Variants in TMEM132D observed in about 807,000 individuals in gnomAD.
TMEM132D encodes mature OL transmembrane protein.
A neutral mutation model predicts 62.3 loss-of-function variants in TMEM132D; 21 were observed. The ratio of observed to expected loss-of-function variants is 0.34; its 90% CI spans 0.24 to 0.49. TMEM132D has a LOEUF of 0.49. Among genes scored for constraint, TMEM132D ranks in the 20% least tolerant of loss-of-function variants. The pLI is 0.99. For synonymous variants in TMEM132D, 621 were observed against 575.6 expected, an observed-to-expected ratio of 1.08 and a Z score of -1.13; for missense variants, 1,346 against 1,402.8, an observed-to-expected ratio of 0.96 and a Z score of 0.65.
chr12:129,549,225 T>C (rs1452462239), intron 2 of TMEM132D, among the ~76,000 whole-genome samples: 434 of 123,866 alleles, frequency 3.5e-3, no homozygotes, highest in Middle Eastern at 0.023. Context: ...AGAGGAAACC[T>C]CTTTGGCTTG....
intron 2 of TMEM132D, among the ~76,000 whole-genome samples, chr12:129,634,794 A>T (rs959639490): frequency 1.3e-5 from 2 of 152,168 alleles, no homozygotes; most frequent in African/African-American, 4.8e-5. Flanking sequence ...TAATTTTTTT[A>T]AAATTTTGCC....
intron 2 of TMEM132D, among the ~76,000 whole-genome samples, chr12:129,687,222 T>C (rs1427446960): frequency 2.6e-5 from 4 of 152,158 alleles, no homozygotes; most frequent in Admixed American, 1.3e-4. Context: ...TCAGGGATAC[T>C]CATGCAACAT....
chr12:129,694,386 C>T lies in TMEM132D; in HGVS notation c.968+5424G>A, dbSNP rs141344862. ...TCAAAATGGTCAAAGCCACCAAAACCAAAGAAAGTCTAAGAAATGGTCACA... is the reference window on the plus strand; with the variant it reads ...TCAAAATGGTCAAAGCCACCAAAACTAAAGAAAGTCTAAGAAATGGTCACA... On this transcript the variant is annotated intron_variant, in intron 2 of 8. Coordinates refer to ENST00000422113, the MANE Select transcript of TMEM132D (RefSeq NM_133448.3). Among the ~76,000 whole-genome samples, 370 of 152,276 alleles carry T rather than the reference C, an allele frequency of 2.4e-3. 3 individuals carry two copies. The highest frequency in any genetic ancestry group is 8.6e-3 in the African/African-American group (357 of 41,562).
At chr12:129,111,511 T>TC (rs1315932407) in intron 5 of TMEM132D, 1 of 152,224 alleles carries the variant, frequency 6.6e-6, no homozygotes, top group Admixed American at 6.5e-5. Flanking sequence ...TTTGCACTGA[T>TC]CACTGTGAGT....
chr12:129,188,213 T>C (rs1013822077), intron 5 of TMEM132D, among the ~76,000 whole-genome samples: 1 of 152,198 alleles, frequency 6.6e-6, no homozygotes, highest in Non-Finnish European at 1.5e-5. Flanking sequence ...CACAAGCCTA[T>C]GGAAGCTGTT....
chr12:129,819,619 TC>T (rs1335623971), intron 1 of TMEM132D, among the ~76,000 whole-genome samples: 1 of 152,088 alleles, frequency 6.6e-6, no homozygotes, highest in Non-Finnish European at 1.5e-5. Flanking sequence ...CATCATTTCC[TC>T]CTCTTATGAA....
chr12:129,204,254 T>C (rs116167843), intron 5 of TMEM132D, among the ~76,000 whole-genome samples: 220 of 152,170 alleles, frequency 1.4e-3, no homozygotes, highest in African/African-American at 5.1e-3. Context: ...TTCAAGAGAA[T>C]ATCAAACCCA....
intron 3 of TMEM132D, among the ~76,000 whole-genome samples, chr12:129,500,716 T>C (rs976321524): frequency 1.3e-5 from 2 of 152,230 alleles, no homozygotes; most frequent in Non-Finnish European, 2.9e-5. Flanking sequence ...AGAAAGTGTC[T>C]AATTGCTCCT....
intron 2 of TMEM132D, among the ~76,000 whole-genome samples, chr12:129,588,660 C>T (rs901136288): frequency 1.6e-4 from 25 of 151,588 alleles, no homozygotes; most frequent in Non-Finnish European, 2.9e-4. Flanking sequence ...CTGCAAGCTC[C>T]GCCTCCCAGG....
intron 5 of TMEM132D, among the ~76,000 whole-genome samples, chr12:129,140,320 C>A (rs1474065768): frequency 2.0e-5 from 3 of 151,904 alleles, no homozygotes; most frequent in East Asian, 3.9e-4. Context: ...GTGTATCAAA[C>A]TATCATGTTG....
rs557146095 is a variant in TMEM132D at position 129,117,102 on chromosome 12, G to A, written c.1444-32400C>T. Among the ~76,000 whole-genome samples, 18 of 152,108 alleles carry A rather than the reference G, an allele frequency of 1.2e-4. No homozygotes were observed. In the South Asian group the frequency reaches 3.7e-3, roughly 32 times the overall value. On this transcript the variant is annotated intron_variant, in intron 5 of 8. Transcript: ENST00000422113. ...AAAAGGAAATGAATTGTTAAACCAA[G>A]AAAAGACATAGAGGAACCTTAAATA...
intron 1 of TMEM132D, among the ~76,000 whole-genome samples, chr12:129,796,166 C>T (rs1028020397): frequency 5.9e-5 from 9 of 151,894 alleles, no homozygotes; most frequent in Non-Finnish European, 1.2e-4. Context: ...GAGACCCTGT[C>T]TCTAAATAAA....
At chr12:129,258,045 C>T (rs1029050761) in intron 4 of TMEM132D, among the ~76,000 whole-genome samples, 1 of 152,158 alleles carries the variant, frequency 6.6e-6, no homozygotes, top group African/African-American at 2.4e-5. Context: ...GAGGGATGCA[C>T]AATCCCACCA....
chr12:129,758,936 CTTT>C (rs570116732), intron 1 of TMEM132D, among the ~76,000 whole-genome samples: 5 of 138,238 alleles, frequency 3.6e-5, no homozygotes, highest in African/African-American at 7.9e-5. Context: ...TTCTTTCTTT[CTTT>C]TTTTTTTTTT....
At chr12:129,709,935 T>C (rs1046529227) in intron 1 of TMEM132D, among the ~76,000 whole-genome samples, 5 of 152,224 alleles carry the variant, frequency 3.3e-5, no homozygotes, top group African/African-American at 1.2e-4. Flanking sequence ...TTTATACTCA[T>C]TGAAAATTTA....
intron 2 of TMEM132D, among the ~76,000 whole-genome samples, chr12:129,698,545 G>A (rs2137222952): frequency 4.8e-5 from 1 of 20,744 alleles, no homozygotes; most frequent in African/African-American, 1.8e-4. Context: ...GGAAGGGAGG[G>A]GAGGGGAGGG....
At chr12:129,697,926 A>ACACACAG (rs1565952645) in intron 2 of TMEM132D, among the ~76,000 whole-genome samples, 4 of 150,956 alleles carry the variant, frequency 2.6e-5, no homozygotes, top group Non-Finnish European at 5.9e-5. Flanking sequence ...CACACACACA[A>ACACACAG]GCTGCATGTG....
At chr12:129,119,476 A>G (rs917110812) in intron 5 of TMEM132D, among the ~76,000 whole-genome samples, 3 of 152,174 alleles carry the variant, frequency 2.0e-5, no homozygotes, top group Admixed American at 1.3e-4. Flanking sequence ...TTTCAGCAAC[A>G]CGGATGGAAC....
intron 2 of TMEM132D, among the ~76,000 whole-genome samples, chr12:129,653,501 G>C (rs1879985646): frequency 6.6e-6 from 1 of 152,144 alleles, no homozygotes; most frequent in South Asian, 2.1e-4. Flanking sequence ...AGAAAATAGA[G>C]AGCAGGAAAT....
Sources: allele counts gnomAD v4.1 joint callset (sites outside exome capture counted in the v4.1 genomes callset), GRCh38; gene constraint gnomAD v4.1.1; transcripts MANE v1.5; gene names NCBI Gene and HGNC (gene_info 2026-07-23, HGNC 2026-07-21).